LIMCH1: variants seen among roughly 807,000 people sequenced by gnomAD.
LIMCH1 encodes LIM and calponin homology domains 1.
LIMCH1 carries 113 observed loss-of-function variants against 176.5 expected under a neutral mutation model. That is an observed-to-expected ratio of 0.64 (90% CI 0.55 to 0.75). The LOEUF (loss-of-function observed/expected upper bound fraction) is 0.75, where lower values mean the gene tolerates loss of function less well. LIMCH1 is among the 30% of genes least tolerant of loss of function. LIMCH1 has a pLI of 0.00. For synonymous variants in LIMCH1, 619 were observed against 645.9 expected, an observed-to-expected ratio of 0.96 and a Z score of 0.63; for missense variants, 1,674 against 1,814.9, an observed-to-expected ratio of 0.92 and a Z score of 1.41.
chr4:41,671,884 CA>C (rs34994833), intron 22 of LIMCH1, among the ~76,000 whole-genome samples: 1,700 of 52,318 alleles, frequency 0.032, 6 homozygotes, highest in African/African-American at 0.073. Flanking sequence ...GACTTCGTCT[CA>C]AAAAAAAAAA....
At chr4:41,574,665 C>T (rs936586897) in intron 1 of LIMCH1, among the ~76,000 whole-genome samples, 1 of 152,064 alleles carries the variant, frequency 6.6e-6, no homozygotes. Context: ...AACCATCATC[C>T]CTGTCATTGT....
At chr4:41,694,323 A>G (rs1357057095) in intron 31 of LIMCH1, among the ~76,000 whole-genome samples, 3 of 152,178 alleles carry the variant, frequency 2.0e-5, no homozygotes, top group Non-Finnish European at 2.9e-5. Context: ...GCAGATCTCC[A>G]TTGTAATCAC....
intron 27 of LIMCH1, 132 bp from the exon 28 acceptor site, chr4:41,685,578 A>T: frequency 9.7e-7 from 1 of 1,035,830 alleles, no homozygotes; most frequent in Non-Finnish European, 1.4e-6. Context: ...CTCTCTAACC[A>T]CCATGTGCCC....
Position 41,360,986 on chromosome 4 carries a change from G to A in LIMCH1, c.96+50G>A. ...GCCTTGCACTGGCGCCCTGAGCCACGGACCCGCGCACGCTCCGACCGCAGG... is the reference window on the plus strand; with the variant it reads ...GCCTTGCACTGGCGCCCTGAGCCACAGACCCGCGCACGCTCCGACCGCAGG... On this transcript the variant is annotated intron_variant, in intron 1 of 26. Transcript: ENST00000313860. This position sits in a 1 kb window ranked among gnomAD's most constrained non-coding sequence, Gnocchi z 4.5. The A allele has an allele frequency of 7.2e-7, 1 of 1,379,608 alleles. No individual in the cohort carries two copies. The allele number at this position is 1,379,608 out of a possible 1,614,324, so 85.5% of individuals were successfully genotyped here.
chr4:41,454,892 A>G lies in LIMCH1; in HGVS notation c.97-39644A>G, dbSNP rs1231194422. ...ATTCTGCATTAAATGCTTTGATGGC[A>G]CAGAAAATGTATACCTGAGAGTTTT... On this transcript the variant is annotated intron_variant, in intron 1 of 26. Coordinates refer to the LIMCH1 transcript ENST00000313860. Among the ~76,000 whole-genome samples, 4 of 152,094 alleles carry G rather than the reference A, an allele frequency of 2.6e-5. No individual in the cohort carries two copies. In the East Asian group the frequency reaches 5.8e-4, roughly 22 times the overall value.
chr4:41,426,750 A>C (rs949061386), intron 1 of LIMCH1, among the ~76,000 whole-genome samples: 1 of 152,256 alleles, frequency 6.6e-6, no homozygotes, highest in Non-Finnish European at 1.5e-5. Context: ...TGTGTTTGAC[A>C]GGTCTTTGTA....
chr4:41,389,441 T>C (rs1455046516), intron 1 of LIMCH1: 5 of 202,488 alleles, frequency 2.5e-5, no homozygotes, highest in African/African-American at 1.2e-4. Context: ...GCCTGACAAA[T>C]GTGGCACTGA....
At chr4:41,539,855 G>A (rs977817870) in intron 1 of LIMCH1, among the ~76,000 whole-genome samples, 9 of 152,236 alleles carry the variant, frequency 5.9e-5, no homozygotes, top group South Asian at 2.1e-4. Flanking sequence ...AATTAGGAAA[G>A]CAACAGGAAT....
chr4:41,612,842 A>G, intron 4 of LIMCH1: 1 of 1,288,736 alleles, frequency 7.8e-7, no homozygotes, highest in Non-Finnish European at 1.0e-6. Flanking sequence ...CATATTTTTC[A>G]TTGCCTTTCT....
At chr4:41,436,748 A>C (rs769486518) in intron 1 of LIMCH1, among the ~76,000 whole-genome samples, 1 of 152,124 alleles carries the variant, frequency 6.6e-6, no homozygotes, top group Non-Finnish European at 1.5e-5. Flanking sequence ...GGAGGATGGG[A>C]AACTAGGATT....
chr4:41,465,954 C>CTTTTTTTTTTTTT (rs34784602), intron 1 of LIMCH1, among the ~76,000 whole-genome samples: 1 of 108,288 alleles, frequency 9.2e-6, no homozygotes, highest in Non-Finnish European at 1.8e-5. Context: ...CTGTTTGGCT[C>CTTTTTTTTTTTTT]TTTTTTTTTT....
intron 1 of LIMCH1, among the ~76,000 whole-genome samples, chr4:41,420,343 A>T (rs558258849): frequency 6.6e-6 from 1 of 152,174 alleles, no homozygotes; most frequent in Non-Finnish European, 1.5e-5. Context: ...CCCATTTTTC[A>T]TGCCTGTTGA....
At chr4:41,693,434 G>A (rs923636697) in intron 31 of LIMCH1, 3 of 151,918 alleles carry the variant, frequency 2.0e-5, no homozygotes, top group Non-Finnish European at 4.4e-5. Flanking sequence ...ATCAAACCCA[G>A]GTAGTTTAGA....
chr4:41,427,208 T>C (rs2061190538), intron 1 of LIMCH1, among the ~76,000 whole-genome samples: 1 of 152,204 alleles, frequency 6.6e-6, no homozygotes, highest in African/African-American at 2.4e-5. Context: ...TTTGAGTTAC[T>C]TTCATTGTCC....
intron 5 of LIMCH1, among the ~76,000 whole-genome samples, chr4:41,618,012 T>A (rs2092272618): frequency 6.6e-6 from 1 of 152,224 alleles, no homozygotes; most frequent in Admixed American, 6.5e-5. Context: ...TGATGTAACA[T>A]ATGTAAAGTC....
Position 41,588,029 on chromosome 4 carries a change from C to T in LIMCH1, c.-240-10891C>T, listed in dbSNP as rs1002520164. 5.3e-5 allele frequency among the ~76,000 whole-genome samples: 8 copies of T among 151,938 alleles called. No homozygotes were observed. In the South Asian group the frequency reaches 6.2e-4, roughly 12 times the overall value. On this transcript the variant is annotated intron_variant, in intron 1 of 31. Transcript: ENST00000503057. Reference sequence around the variant, plus strand: ...ATACATGTGCCATGCTGGTGTGCTGCGCCCATTAACTCGTCAATTAGCATT... The same window carrying T: ...ATACATGTGCCATGCTGGTGTGCTGTGCCCATTAACTCGTCAATTAGCATT...
At chr4:41,454,744 T>C (rs2064326320) in intron 1 of LIMCH1, among the ~76,000 whole-genome samples, 1 of 152,198 alleles carries the variant, frequency 6.6e-6, no homozygotes, top group Non-Finnish European at 1.5e-5. Flanking sequence ...AGCTATTTTC[T>C]AGAAAGCACT....
At chr4:41,655,178 C>A (rs1020366535) in intron 18 of LIMCH1, among the ~76,000 whole-genome samples, 1 of 152,116 alleles carries the variant, frequency 6.6e-6, no homozygotes, top group African/African-American at 2.4e-5. Context: ...CCAAAATGAC[C>A]CTTTTCGAAA....
chr4:41,583,215 G>A (rs570550791), intron 1 of LIMCH1, among the ~76,000 whole-genome samples: 1 of 152,268 alleles, frequency 6.6e-6, no homozygotes, highest in East Asian at 1.9e-4. Context: ...ACCTTATAGG[G>A]CCTTAGTACT....
Sources: allele counts gnomAD v4.1 joint callset (sites outside exome capture counted in the v4.1 genomes callset), GRCh38; gene constraint gnomAD v4.1.1; non-coding constraint Gnocchi (gnomAD v3.1); transcripts MANE v1.5; gene names NCBI Gene and HGNC (gene_info 2026-07-23, HGNC 2026-07-21).